The following CHI3L1 variants were observed in gnomAD, a reference collection of about 807,000 sequenced individuals.
CHI3L1 encodes the protein chitinase-3-like protein 1.
CHI3L1 carries 30 observed loss-of-function variants against 40.7 expected under a neutral mutation model. The observed-to-expected ratio is 0.74, with a 90% CI of 0.55 to 1.00. CHI3L1 has a LOEUF of 1.00. CHI3L1 is among the 50% of genes least tolerant of loss of function. The pLI is 0.00. For synonymous variants in CHI3L1, 210 were observed against 192.1 expected (o/e 1.09, Z -0.77); for missense variants, 493 against 492.2 (o/e 1.00, Z -0.01).
chr1:203,185,010 C>T (rs1273148138), intron 3 of CHI3L1, among the ~76,000 whole-genome samples, 174 bp downstream of exon 3: 1 of 152,100 alleles, frequency 6.6e-6, no homozygotes, highest in Non-Finnish European at 1.5e-5. Flanking sequence ...CTCTCATCAC[C>T]CCAAATATTG....
intron 9 of CHI3L1, 52 bp downstream of exon 9, chr1:203,179,709 C>T (rs374657390): frequency 6.9e-5 from 111 of 1,614,088 alleles, no homozygotes; most frequent in Non-Finnish European, 7.9e-5. Context: ...CTGCTGGGAG[C>T]GGGGCCTCCT....
At chr1:203,182,098 T>C (rs1347019019) in intron 6 of CHI3L1, 1 of 152,514 alleles carries the variant, frequency 6.6e-6, no homozygotes, top group Non-Finnish European at 1.5e-5. Flanking sequence ...AGAATCCATT[T>C]AATTAAGCAC....
chr1:203,179,681 C>T, intron 9 of CHI3L1, 80 bp downstream of exon 9: 1 of 1,614,012 alleles, frequency 6.2e-7, no homozygotes. Context: ...GACCTCAGTG[C>T]AAGGGACAGG....
chr1:203,185,661 G>A (rs2102211685), intron 2 of CHI3L1, among the ~76,000 whole-genome samples: 3 of 152,324 alleles, frequency 2.0e-5, no homozygotes, highest in Middle Eastern at 6.8e-3. Context: ...TGGGGGAAGG[G>A]TAGGAGCTGG....
intron 5 of CHI3L1, among the ~76,000 whole-genome samples, chr1:203,183,373 C>A (rs1655986550): frequency 6.6e-6 from 1 of 152,134 alleles, no homozygotes. Context: ...GGGCAATGGG[C>A]AATGCACTAA....
chr1:203,182,963 G>T (rs1655967961), intron 5 of CHI3L1, 111 bp from the exon 6 acceptor site: 2 of 1,102,998 alleles, frequency 1.8e-6, no homozygotes, highest in Non-Finnish European at 2.6e-6. Flanking sequence ...TCCCCAACCT[G>T]CCTGGGGCCT....
intron 5 of CHI3L1, among the ~76,000 whole-genome samples, chr1:203,183,205 A>G (rs148235720): frequency 6.6e-6 from 1 of 152,216 alleles, no homozygotes; most frequent in Admixed American, 6.5e-5. Context: ...TGAAATCCCA[A>G]AGTTAAAGTG....
In CHI3L1 at chr1:203,180,639, C is replaced by A; in HGVS notation, c.725G>T (p.Gly242Val). Reference sequence around the variant, plus strand: ...AGGAGCCCCCAGCCTCAACATGTACCCCACAGCATAGTCCTGGGTGGGGTA... The same window carrying A: ...AGGAGCCCCCAGCCTCAACATGTACACCACAGCATAGTCCTGGGTGGGGTA... The part of the protein sequence containing the change: ...DRFSNTDYAV[G>V]YMLRLGAPAS... Residue 242 changes from glycine to valine, a missense_variant, in exon 8 of 10, where the codon GGG (glycine) becomes GTG (valine). Gly to Val is a moderately radical substitution (Grantham distance 109). Coordinates refer to ENST00000255409, the MANE Select transcript of CHI3L1 (RefSeq NM_001276.4). 6.2e-7 allele frequency: 1 copy of A among 1,610,858 alleles called. No individual in the cohort carries two copies. Among genetic ancestry groups the A allele is most frequent in the South Asian group, 1.1e-5 (1 of 90,464 alleles).
At chr1:203,185,628 A>G (rs763153964) in intron 2 of CHI3L1, among the ~76,000 whole-genome samples, 1 of 152,234 alleles carries the variant, frequency 6.6e-6, no homozygotes, top group Non-Finnish European at 1.5e-5. Flanking sequence ...AATGCAGGGG[A>G]TGAATACGCT....
At position 203,184,097 on chromosome 1, in the gene CHI3L1, T is replaced by A. The variant is rs1404098105; in HGVS notation, c.315-306A>T. ...TCACCTTGCTGTTGTGAGGACAACA[T>A]GGGATCATGGGGAGACAGGGTGCTG... On this transcript the variant is annotated intron_variant, in intron 4 of 9. Transcript: ENST00000255409. Among the ~76,000 whole-genome samples the A allele has an allele frequency of 2.6e-5, 4 of 152,180 alleles. 1 individual carries two copies. Among genetic ancestry groups the A allele is most frequent in the Admixed American group, 2.6e-4 (4 of 15,280 alleles).
At chr1:203,180,405 G>A (rs1655908658) in intron 8 of CHI3L1, 65 bp downstream of exon 8, 3 of 1,399,994 alleles carry the variant, frequency 2.1e-6, no homozygotes, top group Non-Finnish European at 2.9e-6. Context: ...AACGTGGTGG[G>A]GAATCACCTT....
intron 4 of CHI3L1, 84 bp downstream of exon 4, chr1:203,184,492 C>A: frequency 1.8e-6 from 2 of 1,113,832 alleles, no homozygotes; most frequent in Non-Finnish European, 2.8e-6. Flanking sequence ...CCTGGAACAT[C>A]CATACAGTGG....
intron 1 of CHI3L1, 120 bp downstream of exon 1, chr1:203,186,479 G>T: frequency 6.8e-7 from 1 of 1,479,240 alleles, no homozygotes; most frequent in Non-Finnish European, 9.3e-7. Context: ...CCCTGGCTCT[G>T]CTTCTCCTCC....
chr1:203,184,549 G>C (rs559088171), intron 4 of CHI3L1, 27 bp downstream of exon 4: 2 of 1,596,690 alleles, frequency 1.3e-6, no homozygotes, highest in Non-Finnish European at 1.7e-6. Context: ...ATCCTCTGCC[G>C]TCCTGCCCCT....
At position 203,179,914 on chromosome 1, in the gene CHI3L1, C is replaced by T. The variant is rs150570065; in HGVS notation, c.895-37G>A. 51 of 1,600,000 alleles carry T rather than the reference C, an allele frequency of 3.2e-5. No homozygotes were observed. The African/African-American group carries it at 4.4e-4, about 14-fold the overall frequency. On this transcript the variant is annotated intron_variant, in intron 8 of 9. Coordinates refer to ENST00000255409, the MANE Select transcript of CHI3L1 (RefSeq NM_001276.4). ...ACAGGGAAAAGGCAGTGTGGGGAGT[C>T]GTGCCGAGACCTTGCAGGTCACCAG...
At chr1:203,185,151 G>T (rs1449309984) in intron 3 of CHI3L1, 33 bp downstream of exon 3, 3 of 1,601,158 alleles carry the variant, frequency 1.9e-6, no homozygotes, top group East Asian at 2.2e-5. Flanking sequence ...CAGCCCAGCT[G>T]GTCCCTCCTC....
At chr1:203,184,889 AG>A (rs1656022702) in intron 3 of CHI3L1, among the ~76,000 whole-genome samples, 2 of 152,276 alleles carry the variant, frequency 1.3e-5, no homozygotes, top group South Asian at 4.1e-4. Flanking sequence ...GAGAAGACAG[AG>A]TATGGCAAAG....
In CHI3L1 at chr1:203,185,315, G is replaced by A. The variant is rs1217065591; in HGVS notation, c.126C>T (p.Phe42=). 6.2e-7 allele frequency: 1 copy of A among 1,614,232 alleles called. No individual in the cohort carries two copies. The highest frequency in any genetic ancestry group is 8.5e-7 in the Non-Finnish European group (1 of 1,180,042). The part of the protein sequence containing the change: ...SQYREGDGSC[F]PDALDRFLCT... ...AGAGGAAGCGGTCAAGGGCATCTGGGAAGCAGCTCCCATCGCCTTCCCGGT... is the reference window on the plus strand; with the variant it reads ...AGAGGAAGCGGTCAAGGGCATCTGGAAAGCAGCTCCCATCGCCTTCCCGGT... Residue 42 remains phenylalanine (F), a synonymous_variant, in exon 3 of 10, where the codon TTC becomes TTT. Coordinates refer to ENST00000255409, the MANE Select transcript of CHI3L1 (RefSeq NM_001276.4).
chr1:203,180,716 T>A, intron 7 of CHI3L1, 64 bp from the exon 8 acceptor site: 2 of 1,239,284 alleles, frequency 1.6e-6, no homozygotes, highest in Non-Finnish European at 2.3e-6. Context: ...GTTGAGCAAT[T>A]AATACTGCTG....
Sources: gnomAD v4.1 joint callset for allele counts (sites outside exome capture counted in the v4.1 genomes callset) on GRCh38, gnomAD v4.1.1 for gene constraint, MANE v1.5 for transcripts, NCBI Gene and HGNC (gene_info 2026-07-23, HGNC 2026-07-21) for gene names.